The following LRRC8C variants were observed in gnomAD, a reference collection of about 807,000 sequenced individuals.
LRRC8C encodes the protein volume-regulated anion channel subunit LRRC8C.
LRRC8C carries 20 observed loss-of-function variants against 55.3 expected under a neutral mutation model. That is an observed-to-expected ratio of 0.36 (90% CI 0.25 to 0.53). The LOEUF is 0.53. LRRC8C is among the 20% of genes least tolerant of loss of function. LRRC8C has a pLI of 0.92. For synonymous variants in LRRC8C, 376 were observed against 360.7 expected (o/e 1.04, Z -0.48); for missense variants, 659 against 951.4 (o/e 0.69, Z 4.04).
rs1222709173 is a variant in LRRC8C, at chr1:89,717,352, T to TGG, written c.*2371_*2372insGG. ...CGCTTATGCTGAAGTCTTTATCTGG[T>TGG]GTTAACTAAAAATCTCATATGGGTT... is the stretch of plus-strand genomic sequence containing the variant. On this transcript the variant is annotated 3_prime_UTR_variant, in exon 3 of 3. Coordinates refer to ENST00000370454, the MANE Select transcript of LRRC8C (RefSeq NM_032270.5). The TGG allele has an allele frequency of 6.6e-6, 1 of 152,184 alleles. No homozygotes were observed. Among genetic ancestry groups the TGG allele is most frequent in the East Asian group, 1.9e-4 (1 of 5,198 alleles). The allele number at this position is 152,184 out of a possible 1,614,324, so 9.4% of individuals were successfully genotyped here. A position where few individuals can be genotyped will look rare whatever the true frequency, so the allele number is the denominator to read the frequency against.
intron 2 of LRRC8C, among the ~76,000 whole-genome samples, chr1:89,688,273 T>C (rs1384186291): frequency 1.3e-5 from 2 of 152,248 alleles, no homozygotes; most frequent in South Asian, 2.1e-4. Flanking sequence ...ATGAAATAGT[T>C]GTTGAAGAAC....
Position 89,689,078 on chromosome 1 carries a change from T to C in LRRC8C, c.138+2467T>C, listed in dbSNP as rs1418467290. 7.9e-5 allele frequency among the ~76,000 whole-genome samples: 12 copies of C among 152,262 alleles called. 1 individual carries two copies. In the East Asian group the frequency reaches 2.3e-3, roughly 29 times the overall value. On this transcript the variant is annotated intron_variant, in intron 2 of 2. Transcript: ENST00000370454. ...GGCTACATGGACAGTTGTGAAGATT[T>C]TCCTAAAGGGGAAAGGCTGATGTTG...
the LRRC8C span, among the ~76,000 whole-genome samples, chr1:89,619,146 A>G: frequency 6.6e-6 from 1 of 152,212 alleles, no homozygotes; most frequent in Non-Finnish European, 1.5e-5. Context: ...AAACAATGAA[A>G]GTCTTTTTTC....
rs753515695 is a variant in LRRC8C at position 89,686,593 on chromosome 1, G to A, written c.120G>A (p.Val40=). 6.2e-6 allele frequency: 10 copies of A among 1,614,158 alleles called. No individual in the cohort carries two copies. Among genetic ancestry groups the A allele is most frequent in the Non-Finnish European group, 7.6e-6 (9 of 1,180,026 alleles). ...YLSVAMLMIG[V]FGCTLQVMQD... is the part of the protein sequence containing the mutation. ...CAGTAGCCATGCTCATGATCGGCGT[G>A]TTTGGATGTACTTTACAGGTAGGTG... The change falls in exon 2 of 3, where the codon GTG becomes GTA. Residue 40 remains valine (V), a synonymous_variant. Transcript: ENST00000370454.
At chr1:89,621,755 T>C in the LRRC8C span, among the ~76,000 whole-genome samples, 1 of 152,236 alleles carries the variant, frequency 6.6e-6, no homozygotes, top group Non-Finnish European at 1.5e-5. Context: ...TCTTTGGATA[T>C]AGACTTAAAG....
intron 1 of LRRC8C, among the ~76,000 whole-genome samples, chr1:89,667,515 T>C (rs1200859979): frequency 3.3e-5 from 5 of 152,088 alleles, no homozygotes; most frequent in Non-Finnish European, 5.9e-5. Flanking sequence ...GTTACTTATA[T>C]TGGGAAAAAC....
intron 1 of LRRC8C, among the ~76,000 whole-genome samples, chr1:89,652,059 T>C (rs1656800951): frequency 6.6e-6 from 1 of 152,198 alleles, no homozygotes. Flanking sequence ...CAAGGCAATG[T>C]AGTATATTTT....
At chr1:89,685,205 G>A (rs574273973) in intron 1 of LRRC8C, among the ~76,000 whole-genome samples, 66 of 135,578 alleles carry the variant, frequency 4.9e-4, no homozygotes, top group Middle Eastern at 4.6e-3. Context: ...TGCAAGCTCC[G>A]CTTCCCGGGT....
the LRRC8C span, among the ~76,000 whole-genome samples, chr1:89,622,747 T>G: frequency 6.6e-6 from 1 of 152,178 alleles, no homozygotes; most frequent in Non-Finnish European, 1.5e-5. Flanking sequence ...GCCTACAACT[T>G]GCTTGTCATC....
chr1:89,641,973 T>C (rs751921270), intron 1 of LRRC8C, among the ~76,000 whole-genome samples: 8 of 152,226 alleles, frequency 5.3e-5, no homozygotes, highest in Non-Finnish European at 1.0e-4. Context: ...CCATATGATA[T>C]TGCACAACCA....
At chr1:89,649,939 T>TC (rs1656715749) in intron 1 of LRRC8C, among the ~76,000 whole-genome samples, 1 of 152,170 alleles carries the variant, frequency 6.6e-6, no homozygotes, top group Non-Finnish European at 1.5e-5. Context: ...CAGGACAAAC[T>TC]TTTGTGACCC....
At chr1:89,678,338 A>G (rs1314337683) in intron 1 of LRRC8C, among the ~76,000 whole-genome samples, 2 of 152,252 alleles carry the variant, frequency 1.3e-5, no homozygotes, top group Non-Finnish European at 2.9e-5. Context: ...GATGAACACA[A>G]TAGAACTGAA....
intron 1 of LRRC8C, among the ~76,000 whole-genome samples, chr1:89,656,459 G>A (rs1656946492): frequency 6.6e-6 from 1 of 152,126 alleles, no homozygotes; most frequent in Non-Finnish European, 1.5e-5. Flanking sequence ...AGAGATGCTA[G>A]GTACTGAGTA....
chr1:89,686,857 T>C (rs774894725), intron 2 of LRRC8C, among the ~76,000 whole-genome samples: 29 of 152,230 alleles, frequency 1.9e-4, no homozygotes, highest in Admixed American at 2.6e-4. Context: ...AAGTAATGTC[T>C]GATGTCACTA....
At chr1:89,707,657 T>A (rs985131198) in intron 2 of LRRC8C, among the ~76,000 whole-genome samples, 2 of 137,766 alleles carry the variant, frequency 1.5e-5, no homozygotes, top group Non-Finnish European at 3.0e-5. Context: ...TGTGAGTGTG[T>A]GTGTGTGTGT....
chr1:89,633,520 C>T (rs902760850), intron 1 of LRRC8C, among the ~76,000 whole-genome samples, 198 bp downstream of exon 1: 1 of 152,194 alleles, frequency 6.6e-6, no homozygotes, highest in Non-Finnish European at 1.5e-5. Flanking sequence ...GGCTCAGGAG[C>T]CCGCCAACCC....
chr1:89,692,696 A>G (rs1658057495), intron 2 of LRRC8C, among the ~76,000 whole-genome samples: 1 of 152,230 alleles, frequency 6.6e-6, no homozygotes, highest in Non-Finnish European at 1.5e-5. Context: ...TAAACTCACT[A>G]TAAGCCAGGA....
At position 89,713,504 on chromosome 1, in the gene LRRC8C, A is replaced by G; in HGVS notation, c.934A>G (p.Met312Val). The part of the protein sequence containing the change: ...GYKNFSCNHT[M>V]AHLFSKLSFC... ...TAAAAACTTTTCTTGCAATCATACC[A>G]TGGCACACTTGTTCTCAAAACTGTC... is the stretch of plus-strand genomic sequence containing the variant. Residue 312 changes from methionine (M) to valine (V), a missense_variant, in exon 3 of 3, where the codon ATG (methionine) becomes GTG (valine). Met to Val is a conservative substitution (Grantham distance 21, BLOSUM62 1). Transcript: ENST00000370454. This position sits in a 1 kb window ranked among gnomAD's most constrained non-coding sequence, Gnocchi z 5.2. 6.2e-7 allele frequency: 1 copy of G among 1,614,138 alleles called. No individual in the cohort carries two copies. Among genetic ancestry groups the G allele is most frequent in the Non-Finnish European group, 8.5e-7 (1 of 1,180,026 alleles).
At position 89,713,590 on chromosome 1, in the gene LRRC8C, G is replaced by T. The variant is rs1446652001; in HGVS notation, c.1020G>T (p.Trp340Cys). The T allele has an allele frequency of 6.2e-7, 1 of 1,614,052 alleles. No homozygotes were observed. The highest frequency in any genetic ancestry group is 2.2e-5 in the East Asian group (1 of 44,874). ...YGLTCLYTLY[W>C]LFYRSLREYS... Reference sequence around the variant, plus strand: ...TGACGTGCCTTTATACCTTATACTGGCTGTTCTACCGTTCTCTACGGGAAT... The same window carrying T: ...TGACGTGCCTTTATACCTTATACTGTCTGTTCTACCGTTCTCTACGGGAAT... The change falls in exon 3 of 3, where the codon TGG (tryptophan) becomes TGT (cysteine). Residue 340 changes from tryptophan (W) to cysteine (C), a missense_variant. Physicochemically the swap from Trp to Cys is radical, Grantham distance 215. Around this residue, in one of 5 missense-constraint regions of LRRC8C, gnomAD observed 200 missense variants for 360.5 expected, o/e 0.55. Transcript: ENST00000370454. This position sits in a 1 kb window ranked among gnomAD's most constrained non-coding sequence, Gnocchi z 5.2.
Sources: allele counts gnomAD v4.1 joint callset (sites outside exome capture counted in the v4.1 genomes callset), GRCh38; gene constraint gnomAD v4.1.1; regional missense constraint gnomAD v4.1.1; non-coding constraint Gnocchi (gnomAD v3.1); transcripts MANE v1.5; gene names NCBI Gene and HGNC (gene_info 2026-07-23, HGNC 2026-07-21).